The following KIZ variants were observed in gnomAD, a reference collection of about 807,000 sequenced individuals.
KIZ encodes the protein centrosomal protein kizuna.
A neutral mutation model predicts 79.6 loss-of-function variants in KIZ; 68 were observed. That is an observed-to-expected ratio of 0.85 (90% confidence interval 0.70 to 1.05). The LOEUF (loss-of-function observed/expected upper bound fraction) is 1.05, where lower values mean the gene tolerates loss of function less well. Ranked by LOEUF, KIZ falls within the 50% of genes least tolerant of loss-of-function variation. The probability of loss-of-function intolerance (pLI) is 0.00; values close to 1 mark genes in which losing one functional copy is unlikely to be tolerated. For missense variants in KIZ, 797 were observed against 800.4 expected (o/e 1.00, Z 0.05); for synonymous variants, 280 against 281.8 (o/e 0.99, Z 0.06).
intron 6 of KIZ, among the ~76,000 whole-genome samples, chr20:21,184,676 G>A (rs1028088931): frequency 1.3e-5 from 2 of 152,296 alleles, no homozygotes; most frequent in Admixed American, 6.5e-5. Flanking sequence ...CTTCAGTGAG[G>A]GAAAAGTGTC....
intron 6 of KIZ, among the ~76,000 whole-genome samples, chr20:21,203,839 A>G (rs1462160399): frequency 6.6e-6 from 1 of 152,160 alleles, no homozygotes. Flanking sequence ...ACCATTTTGA[A>G]CTGTGCAGTT....
At chr20:21,128,665 CT>C (rs1273677156) in intron 1 of KIZ, among the ~76,000 whole-genome samples, 1 of 152,140 alleles carries the variant, frequency 6.6e-6, no homozygotes, top group Non-Finnish European at 1.5e-5. Context: ...CTAAAAGAGT[CT>C]AATGGAGTGA....
intron 6 of KIZ, among the ~76,000 whole-genome samples, chr20:21,187,844 T>C (rs2034950629): frequency 6.6e-6 from 1 of 152,234 alleles, no homozygotes; most frequent in South Asian, 2.1e-4. Context: ...TATGATATGT[T>C]TGTAGTATTT....
At chr20:21,214,454 T>G in intron 7 of KIZ, 81 bp from the exon 8 acceptor site, 1 of 934,344 alleles carries the variant, frequency 1.1e-6, no homozygotes, top group Non-Finnish European at 1.6e-6. Flanking sequence ...TAAAATTATA[T>G]TTGAAGGCTA....
In KIZ at chr20:21,169,633, T is replaced by C. The variant is rs969605175; in HGVS notation, c.1352+6474T>C. ...TGCTATAAAGACACATGCAGACGTA[T>C]GTTTGTTGCGGCACTATTCATAACA... On this transcript the variant is annotated intron_variant, in intron 6 of 12. Coordinates refer to ENST00000619189, the MANE Select transcript of KIZ (RefSeq NM_018474.6). Among the ~76,000 whole-genome samples, 4 of 152,188 alleles carry C rather than the reference T, an allele frequency of 2.6e-5. No homozygotes were observed. In the East Asian group the frequency reaches 5.8e-4, roughly 22 times the overall value.
intron 6 of KIZ, among the ~76,000 whole-genome samples, chr20:21,201,207 A>C (rs2035584581): frequency 6.6e-6 from 1 of 152,138 alleles, no homozygotes; most frequent in Non-Finnish European, 1.5e-5. Context: ...GTCATATGCA[A>C]AGTTTACTAT....
intron 9 of KIZ, among the ~76,000 whole-genome samples, chr20:21,223,487 G>A (rs2036563720): frequency 2.0e-5 from 3 of 152,068 alleles, no homozygotes; most frequent in Admixed American, 1.3e-4. Flanking sequence ...TGCAGGCCCA[G>A]GTCTACAGGT....
At chr20:21,168,043 G>T (rs4815026) in intron 6 of KIZ, among the ~76,000 whole-genome samples, 87,805 of 151,814 alleles carry the variant, frequency 0.58, 27,042 homozygotes, top group South Asian at 0.78. Flanking sequence ...TTAACATTAG[G>T]TATATCTCCA....
intron 12 of KIZ, chr20:21,245,282 A>G (rs2037351050): frequency 6.6e-6 from 1 of 152,152 alleles, no homozygotes; most frequent in African/African-American, 2.4e-5. Context: ...CCCACTGTGA[A>G]TCACTCTTCT....
At chr20:21,231,081 C>G (rs2036817691) in intron 10 of KIZ, among the ~76,000 whole-genome samples, 1 of 152,172 alleles carries the variant, frequency 6.6e-6, no homozygotes, top group Non-Finnish European at 1.5e-5. Context: ...ACCTGTAATC[C>G]CAGCACTTTG....
intron 7 of KIZ, among the ~76,000 whole-genome samples, chr20:21,207,191 A>G (rs1169804208): frequency 6.6e-6 from 1 of 152,192 alleles, no homozygotes; most frequent in Admixed American, 6.5e-5. Context: ...TTGAAGTCAC[A>G]TGCCCAAGTG....
At chr20:21,159,876 A>G (rs1227349604) in intron 4 of KIZ, among the ~76,000 whole-genome samples, 1 of 152,174 alleles carries the variant, frequency 6.6e-6, no homozygotes, top group Non-Finnish European at 1.5e-5. Context: ...ACTTCTGCCT[A>G]GATATGGAAT....
At chr20:21,220,331 C>A (rs2036462686) in intron 9 of KIZ, among the ~76,000 whole-genome samples, 1 of 152,028 alleles carries the variant, frequency 6.6e-6, no homozygotes, top group Admixed American at 6.6e-5. Context: ...ACTCACCCTA[C>A]AAGTGGTCAG....
At chr20:21,200,785 A>T (rs891646811) in intron 6 of KIZ, among the ~76,000 whole-genome samples, 3 of 152,158 alleles carry the variant, frequency 2.0e-5, no homozygotes, top group African/African-American at 7.2e-5. Flanking sequence ...CTAGAAGATA[A>T]TGTGAAGATT....
chr20:21,217,376 T>TG (rs1316313724), intron 9 of KIZ, among the ~76,000 whole-genome samples: 2 of 152,246 alleles, frequency 1.3e-5, no homozygotes, highest in African/African-American at 2.4e-5. Flanking sequence ...CATAACTATT[T>TG]GGAGATTTCA....
Position 21,126,155 on chromosome 20 carries a change from C to A in KIZ, c.40C>A (p.Pro14Thr). The change falls in exon 1 of 13, where the codon CCC becomes ACC. Residue 14 changes from proline to threonine, a missense_variant. Coordinates refer to ENST00000619189, the MANE Select transcript of KIZ (RefSeq NM_018474.6). ...TLASAVPLSS[P>T]DYYERLGQLQ... ...CGCATCGGCCGTGCCCCTGTCGAGT[C>A]CCGACTACTACGAGAGGCTGGGCCA... The A allele has an allele frequency of 6.6e-7, 1 of 1,512,242 alleles. No individual in the cohort carries two copies. Among genetic ancestry groups the A allele is most frequent in the Non-Finnish European group, 8.9e-7 (1 of 1,129,156 alleles). The allele number at this position is 1,512,242 out of a possible 1,614,324, so 93.7% of individuals were successfully genotyped here.
intron 6 of KIZ, chr20:21,194,164 T>G (rs934896044): frequency 1.3e-5 from 2 of 152,238 alleles, no homozygotes; most frequent in Non-Finnish European, 2.9e-5. Context: ...TATTATGTGC[T>G]TTAACTGTCG....
At chr20:21,235,122 T>TG (rs2036962117) in intron 11 of KIZ, among the ~76,000 whole-genome samples, 1 of 152,240 alleles carries the variant, frequency 6.6e-6, no homozygotes, top group African/African-American at 2.4e-5. Flanking sequence ...GATTGGGTGC[T>TG]GCTTTGCATA....
At chr20:21,228,463 C>G (rs745535744) in intron 9 of KIZ, among the ~76,000 whole-genome samples, 1 of 152,174 alleles carries the variant, frequency 6.6e-6, no homozygotes, top group African/African-American at 2.4e-5. Context: ...CCTGGCTTTG[C>G]TCTCTACAAA....
Sources: gnomAD v4.1 joint callset for allele counts (sites outside exome capture counted in the v4.1 genomes callset) on GRCh38, gnomAD v4.1.1 for gene constraint, MANE v1.5 for transcripts, NCBI Gene and HGNC (gene_info 2026-07-23, HGNC 2026-07-21) for gene names.